OTUD7A: variants seen among roughly 807,000 people sequenced by gnomAD.
OTUD7A encodes the protein OTU domain-containing protein 7A.
A neutral mutation model predicts 65.7 loss-of-function variants in OTUD7A; 12 were observed. The observed-to-expected ratio is 0.18, with a 90% CI of 0.12 to 0.30. The LOEUF is 0.30. Ranked by LOEUF, OTUD7A falls within the 10% of genes least tolerant of loss-of-function variation. OTUD7A has a pLI of 1.00. For synonymous variants in OTUD7A, 641 were observed against 586.3 expected (o/e 1.09, Z -1.35); for missense variants, 1,148 against 1,304.8 (o/e 0.88, Z 1.85).
chr15:31,503,756 G>C lies in OTUD7A; in HGVS notation c.956C>G (p.Ala319Gly), dbSNP rs546653647. Residue 319 changes from alanine (A) to glycine (G), a missense_variant, in exon 9 of 13, where the codon GCC (alanine) becomes GGC (glycine). By Grantham distance (60) the Ala-to-Gly change is moderately conservative. Transcript: ENST00000307050. The stretch of plus-strand genomic sequence containing the variant: ...AACGATGGGCCTTCTTAATATATGG[G>C]CTAGGACAAAAACGTGGAACTCTTC... Reference protein sequence around the residue: ...SLEEFHVFVLAHILRRPIVVV... With the variant: ...SLEEFHVFVLGHILRRPIVVV... 1 of 1,614,148 alleles carries C rather than the reference G, an allele frequency of 6.2e-7. No homozygotes were observed. The highest frequency in any genetic ancestry group is 8.5e-7 in the Non-Finnish European group (1 of 1,179,988).
At chr15:31,842,838 C>T (rs1009576999) in intron 1 of OTUD7A, among the ~76,000 whole-genome samples, 1 of 152,048 alleles carries the variant, frequency 6.6e-6, no homozygotes, top group African/African-American at 2.4e-5. Context: ...ACTGTTGGGC[C>T]CAGAATTCCA....
In OTUD7A at chr15:31,496,811, T is replaced by C. The variant is rs549167967; in HGVS notation, c.1171+4879A>G. ...CATGGCCCGGTGGGTAGAAGTACTC[T>C]GTTTGGCTCCCAAGATCCCTAGCAG... On this transcript the variant is annotated intron_variant, in intron 10 of 12. Coordinates refer to ENST00000307050, the MANE Select transcript of OTUD7A (RefSeq NM_001382637.1). Among the ~76,000 whole-genome samples the C allele has an allele frequency of 5.9e-5, 9 of 152,342 alleles. No homozygotes were observed. In the South Asian group the frequency reaches 1.5e-3, roughly 25 times the overall value.
intron 5 of OTUD7A, among the ~76,000 whole-genome samples, chr15:31,555,627 C>T (rs935160554): frequency 6.6e-6 from 1 of 152,082 alleles, no homozygotes; most frequent in African/African-American, 2.4e-5. Context: ...TGTGGGAGAC[C>T]CTTTAGCACT....
chr15:31,495,298 T>A (rs114115238), intron 10 of OTUD7A, among the ~76,000 whole-genome samples: 7,260 of 152,272 alleles, frequency 0.048, 577 homozygotes, highest in African/African-American at 0.17. Context: ...GTATTGTGGA[T>A]AAACACACCT....
chr15:31,587,049 C>T (rs1889562397), intron 3 of OTUD7A, among the ~76,000 whole-genome samples: 1 of 152,166 alleles, frequency 6.6e-6, no homozygotes, highest in Admixed American at 6.5e-5. Flanking sequence ...TGACTCAACA[C>T]CTCTGCTCGG....
chr15:31,510,182 A>G (rs975334778), intron 8 of OTUD7A, among the ~76,000 whole-genome samples: 158 of 151,506 alleles, frequency 1.0e-3, no homozygotes, highest in African/African-American at 3.6e-3. Flanking sequence ...GGCCGGCTGC[A>G]GTCCTGGCCC....
chr15:31,526,301 G>T, intron 8 of OTUD7A, 48 bp downstream of exon 8: 1 of 1,504,134 alleles, frequency 6.6e-7, no homozygotes, highest in Non-Finnish European at 8.9e-7. Context: ...AGCCCTGGGT[G>T]GCCTGGAGCT....
intron 1 of OTUD7A, chr15:31,768,301 C>T (rs570383543): frequency 1.7e-5 from 11 of 661,790 alleles, no homozygotes; most frequent in Non-Finnish European, 2.5e-5. Context: ...TTGGCTCTGC[C>T]GCCAACTTGT....
chr15:31,535,682 T>G (rs7162994), intron 5 of OTUD7A, among the ~76,000 whole-genome samples: 15,819 of 146,186 alleles, frequency 0.11, 945 homozygotes, highest in Non-Finnish European at 0.14. Flanking sequence ...TTGTTTTTTT[T>G]TTTTTTTTTT....
At chr15:31,623,883 G>T (rs1351721803) in intron 3 of OTUD7A, among the ~76,000 whole-genome samples, 1 of 152,174 alleles carries the variant, frequency 6.6e-6, no homozygotes, top group Non-Finnish European at 1.5e-5. Context: ...GACTGGAGCT[G>T]TTCCTATTCG....
At chr15:31,525,271 C>A (rs1222494406) in intron 8 of OTUD7A, among the ~76,000 whole-genome samples, 1 of 152,258 alleles carries the variant, frequency 6.6e-6, no homozygotes, top group African/African-American at 2.4e-5. Context: ...ACTGAGTCTT[C>A]AGAATGCTTG....
At chr15:31,743,301 A>T (rs1894390435) in intron 1 of OTUD7A, among the ~76,000 whole-genome samples, 1 of 152,208 alleles carries the variant, frequency 6.6e-6, no homozygotes. Flanking sequence ...ATGAAAAATG[A>T]GATATGTAAA....
intron 1 of OTUD7A, among the ~76,000 whole-genome samples, chr15:31,802,819 T>C (rs1896170896): frequency 6.6e-6 from 1 of 152,234 alleles, no homozygotes; most frequent in African/African-American, 2.4e-5. Flanking sequence ...ATCTCTTTGA[T>C]ATAAAAATAC....
chr15:31,609,657 G>T (rs1355536386), intron 3 of OTUD7A, among the ~76,000 whole-genome samples: 1 of 152,102 alleles, frequency 6.6e-6, no homozygotes, highest in East Asian at 1.9e-4. Context: ...GAGGACAAAG[G>T]GCATATACTC....
intron 1 of OTUD7A, among the ~76,000 whole-genome samples, chr15:31,803,855 T>C (rs1470860094): frequency 2.0e-5 from 3 of 152,162 alleles, no homozygotes. Context: ...AAGTGCATCT[T>C]TCAGGATGCA....
intron 8 of OTUD7A, among the ~76,000 whole-genome samples, chr15:31,519,637 G>A (rs1347880532): frequency 1.3e-5 from 2 of 152,148 alleles, no homozygotes; most frequent in African/African-American, 4.8e-5. Flanking sequence ...CATAGTACTG[G>A]AAGTACCCAC....
At chr15:31,571,402 G>A (rs542288585) in intron 3 of OTUD7A, among the ~76,000 whole-genome samples, 2 of 152,268 alleles carry the variant, frequency 1.3e-5, no homozygotes, top group South Asian at 4.1e-4. Context: ...TGGAAGACTG[G>A]GGCAGCCACA....
intron 8 of OTUD7A, among the ~76,000 whole-genome samples, chr15:31,515,366 G>A (rs554617578): frequency 1.3e-5 from 2 of 152,184 alleles, no homozygotes; most frequent in South Asian, 2.1e-4. Flanking sequence ...TAACAACAGC[G>A]TGAAGGCTCA....
intron 1 of OTUD7A, among the ~76,000 whole-genome samples, chr15:31,778,302 T>C (rs1895442701): frequency 2.6e-5 from 4 of 152,066 alleles, no homozygotes; most frequent in Admixed American, 2.6e-4. Flanking sequence ...GGTAAAACCA[T>C]GGAGAGAGAC....
Sources: gnomAD v4.1 joint callset for allele counts (sites outside exome capture counted in the v4.1 genomes callset) on GRCh38, gnomAD v4.1.1 for gene constraint, MANE v1.5 for transcripts, NCBI Gene and HGNC (gene_info 2026-07-23, HGNC 2026-07-21) for gene names.